The following AK8 variants were observed in gnomAD, a reference collection of about 807,000 sequenced individuals.
The protein encoded by AK8 is ATP-AMP transphosphorylase 8.
Under a neutral mutation model 54.6 loss-of-function variants are expected in AK8, and 44 were observed. The observed-to-expected ratio is 0.81, with a 90% CI of 0.63 to 1.04. The LOEUF is 1.04. Among genes scored for constraint, AK8 ranks in the 50% least tolerant of loss-of-function variants. AK8 has a pLI of 0.00. For missense variants in AK8, 555 were observed against 613.6 expected (o/e 0.90, Z 1.01); for synonymous variants, 239 against 245.6 (o/e 0.97, Z 0.25).
intron 3 of AK8, 118 bp from the exon 4 acceptor site, chr9:132,863,896 A>C: frequency 1.3e-6 from 1 of 775,044 alleles, no homozygotes; most frequent in Non-Finnish European, 2.1e-6. Context: ...ATGGGGAAGC[A>C]CAATTATTTC....
intron 4 of AK8, among the ~76,000 whole-genome samples, chr9:132,859,569 G>A (rs1843304070): frequency 6.6e-6 from 1 of 151,826 alleles, no homozygotes; most frequent in Non-Finnish European, 1.5e-5. Context: ...ATCAGCACCT[G>A]AGAGTGGCTC....
intron 11 of AK8, among the ~76,000 whole-genome samples, chr9:132,727,975 C>T (rs1010521121): frequency 6.6e-6 from 1 of 152,168 alleles, no homozygotes; most frequent in Non-Finnish European, 1.5e-5. Context: ...GTGTGCCCCC[C>T]TTTTCCTGGG....
intron 10 of AK8, among the ~76,000 whole-genome samples, chr9:132,810,682 A>G (rs913204034): frequency 1.3e-5 from 2 of 152,216 alleles, no homozygotes; most frequent in East Asian, 1.9e-4. Context: ...AGAGGAGATG[A>G]GGAAACCAGG....
chr9:132,877,352 C>T (rs968780911), intron 1 of AK8, among the ~76,000 whole-genome samples: 2 of 152,230 alleles, frequency 1.3e-5, no homozygotes, highest in African/African-American at 4.8e-5. Flanking sequence ...AGGGCAGAAC[C>T]TCAAATGACC....
chr9:132,837,188 G>A lies in AK8; in HGVS notation c.403-8462C>T, dbSNP rs1299524487. Among the ~76,000 whole-genome samples, 1 of 151,978 alleles carries A rather than the reference G, an allele frequency of 6.6e-6. No individual in the cohort carries two copies. The highest frequency in any genetic ancestry group is 2.4e-5 in the African/African-American group (1 of 41,410). The stretch of plus-strand genomic sequence containing the variant: ...ACAAAAATTATCTGGGCGTGGTGGC[G>A]GGCGCCTGTAATCCCAGCTACTCGG... On this transcript the variant is annotated intron_variant, in intron 5 of 12. Coordinates refer to ENST00000298545, the MANE Select transcript of AK8 (RefSeq NM_152572.3). This position sits in a 1 kb window ranked among gnomAD's most constrained non-coding sequence, Gnocchi z 4.3.
At chr9:132,745,495 C>G (rs907829632) in intron 11 of AK8, among the ~76,000 whole-genome samples, 1 of 152,122 alleles carries the variant, frequency 6.6e-6, no homozygotes, top group African/African-American at 2.4e-5. Context: ...AGCTGGGCCC[C>G]GGCAGAAACC....
intron 4 of AK8, among the ~76,000 whole-genome samples, chr9:132,861,111 C>T (rs956387341): frequency 6.6e-6 from 1 of 152,196 alleles, no homozygotes; most frequent in African/African-American, 2.4e-5. Context: ...ACAACAAACA[C>T]TTAAAAACAA....
intron 11 of AK8, among the ~76,000 whole-genome samples, chr9:132,748,511 T>C (rs907001083): frequency 2.0e-5 from 3 of 151,836 alleles, no homozygotes; most frequent in Admixed American, 6.6e-5. Flanking sequence ...ATGCCTCTGG[T>C]TTAAGAAAAT....
chr9:132,749,602 C>T (rs372692615), intron 11 of AK8, among the ~76,000 whole-genome samples: 10 of 151,988 alleles, frequency 6.6e-5, no homozygotes, highest in East Asian at 5.8e-4. Flanking sequence ...GAAGAACTCG[C>T]GACTCACAGC....
chr9:132,854,709 T>C (rs1039418693), intron 5 of AK8, 148 bp downstream of exon 5: 11 of 787,554 alleles, frequency 1.4e-5, no homozygotes, highest in Non-Finnish European at 2.3e-5. Flanking sequence ...GCAAAATCCA[T>C]GTCTGTAGAC....
chr9:132,775,431 T>A (rs1839169359), intron 11 of AK8, among the ~76,000 whole-genome samples: 1 of 152,128 alleles, frequency 6.6e-6, no homozygotes, highest in African/African-American at 2.4e-5. Context: ...GCCTCCCAAG[T>A]AGCTGGAATT....
chr9:132,861,204 C>T (rs765410674), intron 4 of AK8, among the ~76,000 whole-genome samples: 12 of 152,214 alleles, frequency 7.9e-5, no homozygotes, highest in Non-Finnish European at 1.6e-4. Flanking sequence ...GATTCCAGAC[C>T]GTTCCATGCC....
In AK8 at chr9:132,837,485, T is replaced by A. The variant is rs983026775; in HGVS notation, c.403-8759A>T. The stretch of plus-strand genomic sequence containing the variant: ...ATGTGGTCAGTACTTCTGGGTCCAG[T>A]CCCGTTCCCATCATCTCCGTGCCTC... On this transcript the variant is annotated intron_variant, in intron 5 of 12. Coordinates refer to ENST00000298545, the MANE Select transcript of AK8 (RefSeq NM_152572.3). The surrounding 1 kb of genome is among the most constrained non-coding windows in gnomAD (Gnocchi z 4.3). Among the ~76,000 whole-genome samples, 2 of 152,010 alleles carry A rather than the reference T, an allele frequency of 1.3e-5. No individual in the cohort carries two copies. Among genetic ancestry groups the A allele is most frequent in the East Asian group, 1.9e-4 (1 of 5,168 alleles).
chr9:132,878,655 T>A, upstream of AK8: 1 of 1,010,500 alleles, frequency 9.9e-7, no homozygotes, highest in Non-Finnish European at 1.2e-6. This position sits in a 1 kb window ranked among gnomAD's most constrained non-coding sequence, Gnocchi z 4.7. Context: ...TACCCATCTT[T>A]AAAACAGACG....
Position 132,827,544 on chromosome 9 carries a change from G to A in AK8, c.556+469C>T, listed in dbSNP as rs544022180. 12 of 191,616 alleles carry A rather than the reference G, an allele frequency of 6.3e-5. No individual in the cohort carries two copies. In the South Asian group the frequency reaches 1.3e-3, roughly 20 times the overall value. 11.9% of individuals were successfully genotyped at this position (191,616 alleles called of 1,614,324 possible). ...CAGTCCCGTCTCCCCCCACCCTCCC[G>A]CCAGCCCCTTGCTGAACTGCCTGGT... On this transcript the variant is annotated intron_variant, in intron 7 of 12. Transcript: ENST00000298545.
chr9:132,841,280 T>C (rs963511391), intron 5 of AK8, among the ~76,000 whole-genome samples: 2 of 152,188 alleles, frequency 1.3e-5, no homozygotes, highest in African/African-American at 2.4e-5. Context: ...GGTCAGCAGA[T>C]GTGAACCCGA....
Position 132,809,712 on chromosome 9 carries a change from G to A in AK8, c.979+4926C>T, listed in dbSNP as rs139933429. Among the ~76,000 whole-genome samples the A allele has an allele frequency of 2.4e-4, 37 of 152,250 alleles. No homozygotes were observed. The East Asian group carries it at 5.8e-3, about 24-fold the overall frequency. ...CAAACTCTGAGGTCTGTCTCCTATC[G>A]GGTTCAGAACTCAGGATGAGGGGAA... On this transcript the variant is annotated intron_variant, in intron 10 of 12. Transcript: ENST00000298545.
In AK8 at chr9:132,821,005, C is replaced by A. The variant is rs377181426; in HGVS notation, c.889+2200G>T. Among the ~76,000 whole-genome samples the A allele has an allele frequency of 1.8e-3, 267 of 152,156 alleles. 2 individuals carry two copies. Among genetic ancestry groups the A allele is most frequent in the African/African-American group, 6.0e-3 (248 of 41,498 alleles). On this transcript the variant is annotated intron_variant, in intron 9 of 12. Transcript: ENST00000298545. ...CCAAATGCTTAATTATCTAAAAGAGCCCCATCATGGCTCTTAGGTAACAAG... is the reference window on the plus strand; with the variant it reads ...CCAAATGCTTAATTATCTAAAAGAGACCCATCATGGCTCTTAGGTAACAAG...
At chr9:132,878,624 C>T, upstream of AK8, 1 of 1,051,568 alleles carries the variant, frequency 9.5e-7, no homozygotes, top group Non-Finnish European at 1.1e-6. The surrounding 1 kb of genome is among the most constrained non-coding windows in gnomAD (Gnocchi z 4.7). Flanking sequence ...GCTCCCCGGC[C>T]CGGCTCCCTG....
Sources: gnomAD v4.1 joint callset for allele counts (sites outside exome capture counted in the v4.1 genomes callset) on GRCh38, gnomAD v4.1.1 for gene constraint, Gnocchi (gnomAD v3.1) non-coding constraint, MANE v1.5 for transcripts, NCBI Gene and HGNC (gene_info 2026-07-23, HGNC 2026-07-21) for gene names.